The following DNAJC3 variants were observed in gnomAD, a reference collection of about 807,000 sequenced individuals.
DNAJC3 encodes DnaJ heat shock protein family (Hsp40) member C3.
In DNAJC3, 38 loss-of-function variants were observed where a neutral mutation model predicts 68.6. The observed-to-expected ratio is 0.55, with a 90% CI of 0.43 to 0.73. DNAJC3 has a LOEUF of 0.73. Ranked by LOEUF, DNAJC3 falls within the 30% of genes least tolerant of loss-of-function variation. The probability of loss-of-function intolerance (pLI) is 0.00; values close to 1 mark genes in which losing one functional copy is unlikely to be tolerated. For missense variants in DNAJC3, 526 were observed against 591.9 expected (o/e 0.89, Z 1.16); for synonymous variants, 203 against 204.0 (o/e 1.00, Z 0.04).
At chr13:95,736,128 T>C (rs1197715420) in intron 4 of DNAJC3, among the ~76,000 whole-genome samples, 1 of 152,134 alleles carries the variant, frequency 6.6e-6, no homozygotes, top group Non-Finnish European at 1.5e-5. Context: ...GATCAGATAG[T>C]TGTAGATATG....
intron 9 of DNAJC3, among the ~76,000 whole-genome samples, 154 bp downstream of exon 9, chr13:95,764,107 A>G (rs1019162214): frequency 1.3e-5 from 2 of 152,206 alleles, no homozygotes; most frequent in African/African-American, 4.8e-5. Context: ...TTACTCTTCC[A>G]TAGTGGAACC....
intron 1 of DNAJC3, among the ~76,000 whole-genome samples, chr13:95,684,165 A>G (rs1390913695): frequency 7.2e-5 from 11 of 152,142 alleles, no homozygotes; most frequent in Non-Finnish European, 1.6e-4. Flanking sequence ...GACTTGTTGA[A>G]TGGTTGTGAC....
At chr13:95,748,580 T>G (rs1882380202) in intron 4 of DNAJC3, among the ~76,000 whole-genome samples, 1 of 151,790 alleles carries the variant, frequency 6.6e-6, no homozygotes, top group African/African-American at 2.4e-5. Context: ...CTTTGGGAGG[T>G]CAAGGTGGGC....
intron 1 of DNAJC3, among the ~76,000 whole-genome samples, chr13:95,677,711 CA>C (rs1213379531): frequency 6.6e-6 from 1 of 152,210 alleles, no homozygotes; most frequent in Non-Finnish European, 1.5e-5. Context: ...CACTGTCAGT[CA>C]TTGGTGCTGG....
intron 4 of DNAJC3, among the ~76,000 whole-genome samples, chr13:95,737,680 T>A (rs1272904840): frequency 6.6e-6 from 1 of 151,816 alleles, no homozygotes; most frequent in African/African-American, 2.4e-5. Flanking sequence ...CCCTTTATCA[T>A]TTTTTTATTG....
At chr13:95,757,131 T>C (rs2139672461) in intron 4 of DNAJC3, among the ~76,000 whole-genome samples, 1 of 152,332 alleles carries the variant, frequency 6.6e-6, no homozygotes, top group South Asian at 2.1e-4. Flanking sequence ...TCTAAATTCT[T>C]TCTTGTACTT....
intron 9 of DNAJC3, among the ~76,000 whole-genome samples, chr13:95,766,602 A>G (rs1474831228): frequency 2.6e-5 from 4 of 152,194 alleles, no homozygotes. Flanking sequence ...TTGCTGAATG[A>G]ATGAAGGTAA....
In DNAJC3 at chr13:95,779,863, A is replaced by T. The variant is rs9525061; in HGVS notation, c.1076-6076A>T. ...TGTTTTTCTGATGAACATTCATTAG[A>T]TAAGTTTTACATGTTCTTTTCCTGA... is the stretch of plus-strand genomic sequence containing the variant. On this transcript the variant is annotated intron_variant, in intron 9 of 11. Transcript: ENST00000602402. Among the ~76,000 whole-genome samples, 32 of 152,206 alleles carry T rather than the reference A, an allele frequency of 2.1e-4. 1 individual carries two copies. The highest frequency in any genetic ancestry group is 4.3e-4 in the Non-Finnish European group (29 of 68,030).
intron 4 of DNAJC3, among the ~76,000 whole-genome samples, chr13:95,750,901 G>A (rs1882454809): frequency 6.6e-6 from 1 of 152,136 alleles, no homozygotes; most frequent in Non-Finnish European, 1.5e-5. Flanking sequence ...AAGCAAGGAA[G>A]CATCTCTAGT....
intron 4 of DNAJC3, 104 bp from the exon 5 acceptor site, chr13:95,757,540 T>A: frequency 2.5e-6 from 3 of 1,198,154 alleles, no homozygotes; most frequent in Non-Finnish European, 3.3e-6. Flanking sequence ...TTACCCTTTT[T>A]ACCCAATGAA....
At chr13:95,740,355 G>C (rs1230380496) in intron 4 of DNAJC3, among the ~76,000 whole-genome samples, 1 of 151,668 alleles carries the variant, frequency 6.6e-6, no homozygotes, top group South Asian at 2.1e-4. Flanking sequence ...GGAGCTTCCC[G>C]GCTGCTTTGT....
Position 95,794,332 on chromosome 13 carries a change from A to C in DNAJC3, c.*3302A>C, listed in dbSNP as rs1445837340. The C allele has an allele frequency of 6.6e-6, 1 of 152,208 alleles. No homozygotes were observed. The highest frequency in any genetic ancestry group is 1.9e-4 in the East Asian group (1 of 5,196). 9.4% of individuals were successfully genotyped at this position (152,208 alleles called of 1,614,324 possible). On this transcript the variant is annotated 3_prime_UTR_variant, in exon 12 of 12. Transcript: ENST00000602402. The stretch of plus-strand genomic sequence containing the variant: ...AAGTTGTCTTTGACATTTACCATGA[A>C]AAAACTACATAAAATGGCTCCCTGG...
At position 95,794,071 on chromosome 13, in the gene DNAJC3, G is replaced by A. The variant is rs1329085389; in HGVS notation, c.*3041G>A. ...GACAGTTTACTAATGTGAATCAGAT[G>A]TAACGTACTACTAATTCTACAATGC... On this transcript the variant is annotated 3_prime_UTR_variant, in exon 12 of 12. Transcript: ENST00000602402. The A allele has an allele frequency of 6.6e-6, 1 of 152,156 alleles. No homozygotes were observed. Among genetic ancestry groups the A allele is most frequent in the South Asian group, 2.1e-4 (1 of 4,824 alleles). 9.4% of individuals were successfully genotyped at this position (152,156 alleles called of 1,614,324 possible). A position where few individuals can be genotyped will look rare whatever the true frequency, so the allele number is the denominator to read the frequency against.
intron 1 of DNAJC3, among the ~76,000 whole-genome samples, chr13:95,688,927 GGT>G (rs57546561): frequency 0.51 from 66,441 of 129,236 alleles, 16,587 homozygotes; most frequent in Non-Finnish European, 0.63. Context: ...TGATTGTGTG[GGT>G]GTGTGTGTGT....
intron 9 of DNAJC3, among the ~76,000 whole-genome samples, chr13:95,770,851 C>G (rs996603027): frequency 2.6e-5 from 4 of 152,070 alleles, no homozygotes; most frequent in African/African-American, 9.7e-5. Flanking sequence ...CCTTTGTTGT[C>G]TTAAGGATGA....
chr13:95,714,588 A>T (rs1481526315), intron 2 of DNAJC3, among the ~76,000 whole-genome samples: 1 of 152,250 alleles, frequency 6.6e-6, no homozygotes, highest in African/African-American at 2.4e-5. Context: ...CACCTTAAGA[A>T]ATAGTGGTTA....
chr13:95,773,884 G>A (rs1438425947), intron 9 of DNAJC3, among the ~76,000 whole-genome samples: 1 of 151,734 alleles, frequency 6.6e-6, no homozygotes, highest in African/African-American at 2.4e-5. Context: ...CTACAGGTGT[G>A]CACCACCACA....
At chr13:95,787,254 T>G (rs1389387059) in intron 11 of DNAJC3, 99 bp downstream of exon 11, 1 of 1,449,666 alleles carries the variant, frequency 6.9e-7, no homozygotes, top group African/African-American at 1.4e-5. Context: ...GTATAGGCAG[T>G]GACGGGTCCT....
chr13:95,713,158 T>G (rs538593958), intron 2 of DNAJC3, among the ~76,000 whole-genome samples: 1 of 152,310 alleles, frequency 6.6e-6, no homozygotes, highest in Non-Finnish European at 1.5e-5. Context: ...CAGTCTCCGG[T>G]ATGTCTTTAT....
Sources: gnomAD v4.1 joint callset for allele counts (sites outside exome capture counted in the v4.1 genomes callset) on GRCh38, gnomAD v4.1.1 for gene constraint, MANE v1.5 for transcripts, NCBI Gene and HGNC (gene_info 2026-07-23, HGNC 2026-07-21) for gene names.